The following ADGRB3 variants were observed in gnomAD, a reference collection of about 807,000 sequenced individuals.
ADGRB3 encodes the protein adhesion G protein-coupled receptor B3.
Under a neutral mutation model 193.4 loss-of-function variants are expected in ADGRB3, and 37 were observed. The observed-to-expected ratio is 0.19, with a 90% CI of 0.15 to 0.25. ADGRB3 has a LOEUF of 0.25. Among genes scored for constraint, ADGRB3 ranks in the 10% least tolerant of loss-of-function variants. The probability of loss-of-function intolerance (pLI) is 1.00; values close to 1 mark genes in which losing one functional copy is unlikely to be tolerated. For synonymous variants in ADGRB3, 690 were observed against 644.2 expected (o/e 1.07, Z -1.08); for missense variants, 1,637 against 1,852.9 (o/e 0.88, Z 2.14).
intron 3 of ADGRB3, among the ~76,000 whole-genome samples, chr6:68,814,967 G>T (rs975227494): frequency 6.6e-6 from 1 of 152,026 alleles, no homozygotes; most frequent in Non-Finnish European, 1.5e-5. Flanking sequence ...CAATAAATTC[G>T]GTATTGATGG....
intron 10 of ADGRB3, among the ~76,000 whole-genome samples, chr6:68,976,218 G>T (rs1451516884): frequency 2.0e-5 from 3 of 152,080 alleles, no homozygotes; most frequent in African/African-American, 7.2e-5. Context: ...CTTGCTTGTG[G>T]ATGGAGAAAT....
intron 17 of ADGRB3, among the ~76,000 whole-genome samples, chr6:69,098,161 G>A (rs2150320145): frequency 6.6e-6 from 1 of 152,214 alleles, no homozygotes; most frequent in Non-Finnish European, 1.5e-5. Context: ...TAAACTCCTG[G>A]CTTCAAGCCA....
chr6:69,029,644 A>G (rs901488399), intron 13 of ADGRB3, among the ~76,000 whole-genome samples: 16 of 152,190 alleles, frequency 1.1e-4, no homozygotes, highest in African/African-American at 3.6e-4. Context: ...ATGTATGAGA[A>G]AAGAGCTTAA....
intron 3 of ADGRB3, among the ~76,000 whole-genome samples, chr6:68,843,251 AT>A (rs1768199997): frequency 6.6e-6 from 1 of 151,978 alleles, no homozygotes; most frequent in African/African-American, 2.4e-5. Context: ...TTGTTTGCAT[AT>A]TATATGATTT....
intron 30 of ADGRB3, 51 bp downstream of exon 30, chr6:69,372,492 G>C (rs1286369474): frequency 7.1e-6 from 7 of 985,340 alleles, no homozygotes; most frequent in Non-Finnish European, 1.0e-5. Context: ...ATTCAAAATA[G>C]ATATATAGTT....
chr6:68,747,565 A>G (rs144852904), intron 3 of ADGRB3, among the ~76,000 whole-genome samples: 1,813 of 152,350 alleles, frequency 0.012, 22 homozygotes, highest in Middle Eastern at 0.034. Flanking sequence ...CTATTTCCAT[A>G]TACTTAGCAT....
At chr6:69,345,136 G>A (rs1189071344) in intron 26 of ADGRB3, among the ~76,000 whole-genome samples, 1 of 152,126 alleles carries the variant, frequency 6.6e-6, no homozygotes, top group African/African-American at 2.4e-5. Context: ...TGGCCATTAT[G>A]AGTGGTCTCG....
chr6:69,302,753 AT>A (rs1431091581), intron 20 of ADGRB3, among the ~76,000 whole-genome samples: 7 of 151,994 alleles, frequency 4.6e-5, no homozygotes, highest in African/African-American at 1.7e-4. Flanking sequence ...AGATGCCATC[AT>A]TTTTATAGAA....
chr6:68,904,037 GGGAGGGAA>G (rs58787855), intron 3 of ADGRB3, among the ~76,000 whole-genome samples: 32,214 of 104,334 alleles, frequency 0.31, 5,742 homozygotes, highest in East Asian at 0.43. Flanking sequence ...AAACAAGGAA[GGGAGGGAA>G]GGAGGGAAGG....
intron 3 of ADGRB3, among the ~76,000 whole-genome samples, chr6:68,720,089 G>A (rs1186715679): frequency 3.3e-5 from 5 of 151,746 alleles, no homozygotes; most frequent in East Asian, 1.9e-4. Context: ...TCCTACAGCC[G>A]TGGAAAGTGC....
At chr6:69,187,187 G>GT (rs1747482629) in intron 17 of ADGRB3, among the ~76,000 whole-genome samples, 1 of 151,986 alleles carries the variant, frequency 6.6e-6, no homozygotes, top group African/African-American at 2.4e-5. Flanking sequence ...GAATGAAAGA[G>GT]TAAGACCAAG....
In ADGRB3 at chr6:69,288,867, G is replaced by A. The variant is rs567695270; in HGVS notation, c.2815-36005G>A. Among the ~76,000 whole-genome samples the A allele has an allele frequency of 1.0e-3, 154 of 152,172 alleles. No individual in the cohort carries two copies. In the Middle Eastern group the frequency reaches 0.01, roughly 10 times the overall value. ...CTTGGTTTTCTTATATGTCAAGGTG[G>A]TGTTATTGGTACAAGCAGAGCCAAC... On this transcript the variant is annotated intron_variant, in intron 20 of 31. Coordinates refer to ENST00000370598, the MANE Select transcript of ADGRB3 (RefSeq NM_001704.3).
rs1562133338 is a variant in ADGRB3 at position 69,040,392 on chromosome 6, T to TTTCTTTCC, written c.2108-7790_2108-7789insTTTCCTTC. Among the ~76,000 whole-genome samples, 19 of 147,302 alleles carry TTTCTTTCC rather than the reference T, an allele frequency of 1.3e-4. 1 individual carries two copies. In the East Asian group the frequency reaches 1.4e-3, roughly 11 times the overall value. On this transcript the variant is annotated intron_variant, in intron 13 of 31. Transcript: ENST00000370598. Reference sequence around the variant, plus strand: ...TTCTTTCTTTCCTTCTCTCTCTTTCTTTCCTTCACGCAGGTGACTCCATTT... The same window carrying TTTCTTTCC: ...TTCTTTCTTTCCTTCTCTCTCTTTCTTTCTTTCCTTCCTTCACGCAGGTGACTCCATTT...
At position 69,388,924 on chromosome 6, in the gene ADGRB3, CTT is replaced by C. The variant is rs1465532002; in HGVS notation, c.*35_*36del. Reference sequence around the variant, plus strand: ...AAAATGGACTAAGGTAGAGACAAAACTTTATTGCACTGACACTTAAGACTTGG... The same window carrying C: ...AAAATGGACTAAGGTAGAGACAAAACTATTGCACTGACACTTAAGACTTGG... On this transcript the variant is annotated 3_prime_UTR_variant, in exon 32 of 32. Coordinates refer to ENST00000370598, the MANE Select transcript of ADGRB3 (RefSeq NM_001704.3). The C allele has an allele frequency of 1.3e-6, 2 of 1,580,448 alleles. No homozygotes were observed. The highest frequency in any genetic ancestry group is 3.5e-5 in the Admixed American group (2 of 57,036).
At position 69,062,957 on chromosome 6, in the gene ADGRB3, A is replaced by G. The variant is rs748355648; in HGVS notation, c.2357A>G (p.Lys786Arg). 5.0e-5 allele frequency: 80 copies of G among 1,611,680 alleles called. No individual in the cohort carries two copies. Among genetic ancestry groups the G allele is most frequent in the South Asian group, 3.3e-5 (3 of 90,952 alleles). Residue 786 changes from lysine to arginine, a missense_variant, in exon 16 of 32, where the codon AAA (lysine) becomes AGA (arginine). Lys to Arg is a conservative substitution (Grantham distance 26, BLOSUM62 2). Around this residue, in one of 7 missense-constraint regions of ADGRB3, gnomAD observed 641 missense variants for 673.9 expected, o/e 0.95. Coordinates refer to ENST00000370598, the MANE Select transcript of ADGRB3 (RefSeq NM_001704.3). ...TLRNYTVINSKIIVVTIRPEP... is the reference protein window; with the variant it reads ...TLRNYTVINSRIIVVTIRPEP... Reference sequence around the variant, plus strand: ...AGAAATTATACTGTCATTAATTCCAAAATCATCGTGGTCACAATAAGGCCT... The same window carrying G: ...AGAAATTATACTGTCATTAATTCCAGAATCATCGTGGTCACAATAAGGCCT...
chr6:68,846,850 G>A lies in ADGRB3; in HGVS notation c.758-83709G>A, dbSNP rs531265992. On this transcript the variant is annotated intron_variant, in intron 3 of 31. Coordinates refer to ENST00000370598, the MANE Select transcript of ADGRB3 (RefSeq NM_001704.3). ...GGGGCACTGCCTAGTGGAGCTGTGA[G>A]AAGAAGCCCACCATCTGTCAGACCC... 3.3e-5 allele frequency among the ~76,000 whole-genome samples: 5 copies of A among 152,324 alleles called. No individual in the cohort carries two copies. In the South Asian group the frequency reaches 1.0e-3, roughly 32 times the overall value.
Position 69,233,549 on chromosome 6 carries a change from T to C in ADGRB3, c.2607+133T>C, listed in dbSNP as rs1766198346. 2.6e-6 allele frequency: 3 copies of C among 1,152,790 alleles called. No individual in the cohort carries two copies. The African/African-American group carries it at 4.7e-5, about 18-fold the overall frequency. 71.4% of individuals were successfully genotyped at this position (1,152,790 alleles called of 1,614,324 possible). On this transcript the variant is annotated intron_variant, in intron 18 of 31. Coordinates refer to ENST00000370598, the MANE Select transcript of ADGRB3 (RefSeq NM_001704.3). ...GTACAAAATTGGGTTCGTCTCCTCCTTAGCTATAGTAGCTTGGTGGAATGA... is the reference window on the plus strand; with the variant it reads ...GTACAAAATTGGGTTCGTCTCCTCCCTAGCTATAGTAGCTTGGTGGAATGA...
At chr6:69,133,678 C>CTT (rs57634617) in intron 17 of ADGRB3, among the ~76,000 whole-genome samples, 88,569 of 150,526 alleles carry the variant, frequency 0.59, 26,922 homozygotes, top group East Asian at 0.85. Flanking sequence ...AAGAAAATTT[C>CTT]TTTTTTTTTC....
At position 69,021,068 on chromosome 6, in the gene ADGRB3, A is replaced by G. The variant is rs150523129; in HGVS notation, c.2107+2569A>G. 8.5e-3 allele frequency among the ~76,000 whole-genome samples: 1,287 copies of G among 151,988 alleles called. 22 individuals carry two copies. The highest frequency in any genetic ancestry group is 0.03 in the African/African-American group (1,230 of 41,522). On this transcript the variant is annotated intron_variant, in intron 13 of 31. Transcript: ENST00000370598. ...TCATTCTGTCTTACATTCTAAGTCC[A>G]AATATTAATTATCCAACAGTCTGCT...
Sources: gnomAD v4.1 joint callset for allele counts (sites outside exome capture counted in the v4.1 genomes callset) on GRCh38, gnomAD v4.1.1 for gene constraint, gnomAD v4.1.1 regional missense constraint, MANE v1.5 for transcripts, NCBI Gene and HGNC (gene_info 2026-07-23, HGNC 2026-07-21) for gene names.